The following SNX18 variants were observed in gnomAD, a reference collection of about 807,000 sequenced individuals.
SNX18 encodes the protein sorting nexin 18.
In SNX18, 35 loss-of-function variants were observed where a neutral mutation model predicts 48.7. That is an observed-to-expected ratio of 0.72 (90% CI 0.55 to 0.95). The LOEUF (loss-of-function observed/expected upper bound fraction) is 0.95. Among genes scored for constraint, SNX18 ranks in the 40% least tolerant of loss-of-function variants. The probability of loss-of-function intolerance (pLI) is 0.00; values close to 1 mark genes in which losing one functional copy is unlikely to be tolerated. For missense variants in SNX18, 824 were observed against 871.0 expected (o/e 0.95, Z 0.68); for synonymous variants, 492 against 384.7 (o/e 1.28, Z -3.26).
the SNX18 span, among the ~76,000 whole-genome samples, chr5:54,636,272 C>T: frequency 1.3e-5 from 2 of 152,142 alleles, no homozygotes; most frequent in Non-Finnish European, 2.9e-5. Context: ...CCCTCTAAGT[C>T]TACTGATATC....
chr5:54,531,459 C>A (rs190875767), intron 1 of SNX18, among the ~76,000 whole-genome samples: 85 of 152,266 alleles, frequency 5.6e-4, no homozygotes, highest in Non-Finnish European at 4.3e-4. Flanking sequence ...GTTATGTTGA[C>A]ATTTGCGATT....
At chr5:54,588,313 T>TA in the SNX18 span, among the ~76,000 whole-genome samples, 1 of 6,814 alleles carries the variant, frequency 1.5e-4, no homozygotes, top group Non-Finnish European at 2.6e-4. Context: ...ATTCTTTTTT[T>TA]TTTTTTTTTT....
At chr5:54,646,842 A>G in the SNX18 span, among the ~76,000 whole-genome samples, 1 of 152,188 alleles carries the variant, frequency 6.6e-6, no homozygotes, top group Admixed American at 6.5e-5. Context: ...TTCCCTGAAC[A>G]GAAATCAAAA....
At chr5:54,585,477 G>T in the SNX18 span, among the ~76,000 whole-genome samples, 1 of 152,072 alleles carries the variant, frequency 6.6e-6, no homozygotes, top group Non-Finnish European at 1.5e-5. Context: ...ACAGAGGCCT[G>T]GTTCCAGCCT....
At chr5:54,589,619 G>T in the SNX18 span, among the ~76,000 whole-genome samples, 1 of 152,196 alleles carries the variant, frequency 6.6e-6, no homozygotes, top group African/African-American at 2.4e-5. Flanking sequence ...AGCACCTAAA[G>T]CCAAACTCTA....
At chr5:54,625,281 C>T in the SNX18 span, among the ~76,000 whole-genome samples, 2,674 of 152,254 alleles carry the variant, frequency 0.018, 79 homozygotes, top group African/African-American at 0.061. Context: ...TCTGCGGGTC[C>T]GGCCTTGCTG....
At chr5:54,584,626 GAAC>G in the SNX18 span, among the ~76,000 whole-genome samples, 2 of 152,156 alleles carry the variant, frequency 1.3e-5, no homozygotes, top group African/African-American at 4.8e-5. Context: ...AAAAAAATAT[GAAC>G]AACAACAACA....
chr5:54,532,319 C>CTTTT (rs57856245), intron 1 of SNX18, among the ~76,000 whole-genome samples: 3 of 130,982 alleles, frequency 2.3e-5, no homozygotes, highest in Non-Finnish European at 3.2e-5. Flanking sequence ...TTTTTTTTTT[C>CTTTT]TTTTTTTTTT....
At chr5:54,629,653 A>G in the SNX18 span, among the ~76,000 whole-genome samples, 1 of 152,336 alleles carries the variant, frequency 6.6e-6, no homozygotes, top group Admixed American at 6.5e-5. Context: ...ACTGAAGCCA[A>G]CGAATAATTC....
the SNX18 span, among the ~76,000 whole-genome samples, chr5:54,565,411 G>A: frequency 1.3e-4 from 19 of 151,080 alleles, no homozygotes; most frequent in East Asian, 1.9e-3. Flanking sequence ...CTGTCTCTAC[G>A]AAAGAAAAAA....
chr5:54,588,303 A>ATTATTTTTTTTTTTTTTTTTTT, the SNX18 span, among the ~76,000 whole-genome samples: 1 of 100,392 alleles, frequency 1.0e-5, no homozygotes, highest in African/African-American at 3.6e-5. Context: ...TGTTATTTCT[A>ATTATTTTTTTTTTTTTTTTTTT]TTCTTTTTTT....
chr5:54,554,496 C>G, the SNX18 span, among the ~76,000 whole-genome samples: 1 of 152,146 alleles, frequency 6.6e-6, no homozygotes, highest in Non-Finnish European at 1.5e-5. Context: ...CTAAATGAGG[C>G]CTTAGAGAGT....
chr5:54,519,820 T>G (rs1017826751), intron 1 of SNX18: 1 of 1,606,274 alleles, frequency 6.2e-7, no homozygotes, highest in African/African-American at 1.3e-5. Flanking sequence ...GTACCTTTGA[T>G]GACAGTGCTA....
chr5:54,580,152 T>C, the SNX18 span, among the ~76,000 whole-genome samples: 46,801 of 151,724 alleles, frequency 0.31, 7,528 homozygotes, highest in East Asian at 0.39. Context: ...AGAGAGCTCC[T>C]AGTTAAGCAC....
At chr5:54,645,083 GTAGT>G in the SNX18 span, 4 of 152,212 alleles carry the variant, frequency 2.6e-5, no homozygotes, top group East Asian at 1.9e-4. Context: ...TGCTCCAGAT[GTAGT>G]TAGTTTCTCT....
the SNX18 span, among the ~76,000 whole-genome samples, chr5:54,591,166 TG>T: frequency 1.0e-4 from 2 of 19,668 alleles, no homozygotes; most frequent in Non-Finnish European, 2.1e-4. Flanking sequence ...TTTTGTTTTT[TG>T]GGTTTTTTTT....
chr5:54,634,570 G>A, the SNX18 span, among the ~76,000 whole-genome samples: 1 of 151,440 alleles, frequency 6.6e-6, no homozygotes, highest in Non-Finnish European at 1.5e-5. Flanking sequence ...TAGTGTTAAT[G>A]TATTTTATGT....
At chr5:54,525,185 G>A (rs1211083167) in intron 1 of SNX18, among the ~76,000 whole-genome samples, 1 of 152,208 alleles carries the variant, frequency 6.6e-6, no homozygotes, top group Admixed American at 6.5e-5. Flanking sequence ...AGAATTAAAT[G>A]TTATAGTTCA....
At chr5:54,577,629 A>G in the SNX18 span, among the ~76,000 whole-genome samples, 1 of 152,184 alleles carries the variant, frequency 6.6e-6, no homozygotes, top group Admixed American at 6.5e-5. Flanking sequence ...CCACATGAAG[A>G]TGAACAATGT....
Sources: gnomAD v4.1 joint callset for allele counts (sites outside exome capture counted in the v4.1 genomes callset) on GRCh38, gnomAD v4.1.1 for gene constraint, MANE v1.5 for transcripts, NCBI Gene and HGNC (gene_info 2026-07-23, HGNC 2026-07-21) for gene names.